MICAL3: variants seen among roughly 807,000 people sequenced by gnomAD.
MICAL3 encodes [F-actin]-monooxygenase MICAL3.
Under a neutral mutation model 207.4 loss-of-function variants are expected in MICAL3, and 62 were observed. That is an observed-to-expected ratio of 0.30 (90% CI 0.24 to 0.37). MICAL3 has a LOEUF of 0.37. MICAL3 is among the 10% of genes least tolerant of loss of function. The pLI is 1.00. For missense variants in MICAL3, 2,368 were observed against 2,635.6 expected, an observed-to-expected ratio of 0.90 and a Z score of 2.22; for synonymous variants, 1,077 against 1,069.3, an observed-to-expected ratio of 1.01 and a Z score of -0.14.
rs373736418 is a variant in MICAL3, at chr22:17,956,038, G to C, written c.-74-49152C>G. On this transcript the variant is annotated intron_variant, in intron 1 of 31. Transcript: ENST00000441493. ...AGGGAAGAAAATGTCCAGGAAGAGG[G>C]GCTCCTGAGAGAGTGTCCTCTGAAA... Among the ~76,000 whole-genome samples the C allele has an allele frequency of 1.1e-4, 16 of 152,338 alleles. No homozygotes were observed. The East Asian group carries it at 2.9e-3, about 28-fold the overall frequency.
chr22:17,881,031 C>T (rs1929369018), intron 16 of MICAL3, among the ~76,000 whole-genome samples: 1 of 152,184 alleles, frequency 6.6e-6, no homozygotes, highest in Non-Finnish European at 1.5e-5. Context: ...ATGTAGGATG[C>T]ACCATCCTGA....
intron 1 of MICAL3, among the ~76,000 whole-genome samples, chr22:17,979,658 T>C (rs1348674144): frequency 6.6e-6 from 1 of 152,054 alleles, no homozygotes; most frequent in Non-Finnish European, 1.5e-5. Context: ...AGTCCCAGCC[T>C]AGAGGAAACA....
At chr22:17,867,858 C>T (rs1477011570) in intron 17 of MICAL3, among the ~76,000 whole-genome samples, 1 of 152,232 alleles carries the variant, frequency 6.6e-6, no homozygotes, top group Non-Finnish European at 1.5e-5. Context: ...AAAATGTTAT[C>T]ATGGCTTTCA....
intron 1 of MICAL3, among the ~76,000 whole-genome samples, chr22:17,934,304 T>C (rs957839233): frequency 1.3e-5 from 2 of 152,178 alleles, no homozygotes; most frequent in African/African-American, 2.4e-5. Flanking sequence ...TGGTTCAACA[T>C]ATGCAAATCA....
Position 18,013,567 on chromosome 22 carries a change from A to G in MICAL3, c.-75+10714T>C, listed in dbSNP as rs546001392. 1.8e-4 allele frequency among the ~76,000 whole-genome samples: 27 copies of G among 152,316 alleles called. No homozygotes were observed. In the South Asian group the frequency reaches 5.6e-3, roughly 32 times the overall value. On this transcript the variant is annotated intron_variant, in intron 1 of 31. Coordinates refer to ENST00000441493, the MANE Select transcript of MICAL3 (RefSeq NM_015241.3). ...ATGACTTCAAATCCCCACTTCCCAC[A>G]TAAAAATGCACAATGGGTGTAGCAA...
rs116241042 is a variant in MICAL3 at position 17,856,929 on chromosome 22, T to G, written c.2605+7970A>C. Among the ~76,000 whole-genome samples, 418 of 152,212 alleles carry G rather than the reference T, an allele frequency of 2.7e-3. 4 individuals are homozygous for G. Among genetic ancestry groups the G allele is most frequent in the African/African-American group, 9.6e-3 (400 of 41,550 alleles). On this transcript the variant is annotated intron_variant, in intron 19 of 31. Coordinates refer to ENST00000441493, the MANE Select transcript of MICAL3 (RefSeq NM_015241.3). The stretch of plus-strand genomic sequence containing the variant: ...AGCCACCGCGCCCGGCCGAAAATGT[T>G]TACTTTTAAAAGAACCTACTGACCT...
intron 1 of MICAL3, among the ~76,000 whole-genome samples, chr22:17,919,075 G>GTTT (rs1470401519): frequency 4.0e-4 from 47 of 117,594 alleles, no homozygotes; most frequent in Admixed American, 2.3e-4. Context: ...GGTTTTTGTG[G>GTTT]GTTTTTTTTT....
At position 17,871,860 on chromosome 22, in the gene MICAL3, G is replaced by A. The variant is rs990678960; in HGVS notation, c.2405C>T (p.Ala802Val). 3.1e-6 allele frequency: 5 copies of A among 1,609,574 alleles called. No homozygotes were observed. ...EYCATTLRLS[A>V]YAYDIEDGKF... ...ACCATCCTCGATGTCGTAGGCGTAG[G>A]CCGAGAGGCGCAGGGTGGTGGCGCA... Residue 802 changes from alanine to valine, a missense_variant, in exon 17 of 32, where the codon GCC (alanine) becomes GTC (valine). This residue lies in a region of MICAL3 where 1,770 missense variants were observed against 1,863.2 expected (regional missense o/e 0.95). Transcript: ENST00000441493.
intron 1 of MICAL3, among the ~76,000 whole-genome samples, chr22:17,961,011 G>A (rs1934888356): frequency 6.6e-6 from 1 of 152,116 alleles, no homozygotes; most frequent in Admixed American, 6.5e-5. Flanking sequence ...GCAGGAGTCT[G>A]AGCAGGGAAG....
Position 17,896,268 on chromosome 22 carries a change from G to C in MICAL3, c.1300C>G (p.Pro434Ala), listed in dbSNP as rs770005121. Residue 434 changes from proline (P) to alanine (A), a missense_variant, in exon 9 of 32, where the codon CCT becomes GCT. By Grantham distance (27) the Pro-to-Ala change is conservative. Transcript: ENST00000441493. ...TACCTCTCTGCCAGCACTTCCAAAG[G>C]GCTCGTTCCTAGAGACCAACTTCGG... ...MVRSWSLGTS[P>A]LEVLAERESI... The C allele has an allele frequency of 1.7e-5, 26 of 1,556,740 alleles. No individual in the cohort carries two copies. Among genetic ancestry groups the C allele is most frequent in the Admixed American group, 3.9e-5 (2 of 51,912 alleles).
chr22:17,914,884 A>C (rs2146285281), intron 1 of MICAL3, among the ~76,000 whole-genome samples: 1 of 152,334 alleles, frequency 6.6e-6, no homozygotes, highest in East Asian at 1.9e-4. Context: ...AGTCAATGAC[A>C]AAACATTTTC....
chr22:17,927,604 T>C (rs1337511370), intron 1 of MICAL3, among the ~76,000 whole-genome samples: 2 of 152,160 alleles, frequency 1.3e-5, no homozygotes, highest in Non-Finnish European at 2.9e-5. Flanking sequence ...GCCCCCGACA[T>C]CTGCCTGCTG....
Position 17,841,794 on chromosome 22 carries a change from T to TG in MICAL3, c.2801+27dup. 6.6e-7 allele frequency: 1 copy of TG among 1,526,554 alleles called. No individual in the cohort carries two copies. 94.6% of individuals were successfully genotyped at this position (1,526,554 alleles called of 1,614,324 possible). A position where few individuals can be genotyped will look rare whatever the true frequency, so the allele number is the denominator to read the frequency against. Reference sequence around the variant, plus strand: ...GAGGCTCTTAGGGCCGTGTGGCGGGTGGGCGCCCTGCAGCCCTGCGTGCTG... The same window carrying TG: ...GAGGCTCTTAGGGCCGTGTGGCGGGTGGGGCGCCCTGCAGCCCTGCGTGCTG... On this transcript the variant is annotated intron_variant, in intron 20 of 31. Coordinates refer to ENST00000441493, the MANE Select transcript of MICAL3 (RefSeq NM_015241.3). This position sits in a 1 kb window ranked among gnomAD's most constrained non-coding sequence, Gnocchi z 4.2.
chr22:17,803,455 A>T (rs1041412861), intron 29 of MICAL3: 1 of 152,048 alleles, frequency 6.6e-6, no homozygotes, highest in East Asian at 1.9e-4. Flanking sequence ...CCTAGCAGAT[A>T]TGATTCCTAC....
At chr22:17,812,540 G>T (rs2062059879) in intron 27 of MICAL3, 2 of 985,680 alleles carry the variant, frequency 2.0e-6, no homozygotes, top group South Asian at 4.7e-5. Flanking sequence ...ATGCCAAGGC[G>T]TGTGGTACAT....
chr22:17,945,138 T>C (rs887615995), intron 1 of MICAL3, among the ~76,000 whole-genome samples: 1 of 151,318 alleles, frequency 6.6e-6, no homozygotes, highest in South Asian at 2.1e-4. Flanking sequence ...ACTCCAACTC[T>C]CCCTGACCCC....
chr22:17,802,722 AG>A (rs2061952684), intron 29 of MICAL3, among the ~76,000 whole-genome samples: 1 of 152,134 alleles, frequency 6.6e-6, no homozygotes, highest in Non-Finnish European at 1.5e-5. Flanking sequence ...ACCCTCTTAA[AG>A]GAATGGGGTC....
At chr22:17,956,208 C>T (rs182689932) in intron 1 of MICAL3, among the ~76,000 whole-genome samples, 234 of 152,296 alleles carry the variant, frequency 1.5e-3, no homozygotes, top group Non-Finnish European at 2.5e-3. Flanking sequence ...CCCACTCCTC[C>T]GGGGCCCCAC....
At chr22:18,011,331 AG>A (rs1236239818) in intron 1 of MICAL3, among the ~76,000 whole-genome samples, 2 of 149,752 alleles carry the variant, frequency 1.3e-5, no homozygotes, top group Non-Finnish European at 3.0e-5. Flanking sequence ...GGATCACCTG[AG>A]GTCGGAGTTC....
Sources: gnomAD v4.1 joint callset for allele counts (sites outside exome capture counted in the v4.1 genomes callset) on GRCh38, gnomAD v4.1.1 for gene constraint, gnomAD v4.1.1 regional missense constraint, Gnocchi (gnomAD v3.1) non-coding constraint, MANE v1.5 for transcripts, NCBI Gene and HGNC (gene_info 2026-07-23, HGNC 2026-07-21) for gene names.